The following MMP16 variants were observed in gnomAD, a reference collection of about 807,000 sequenced individuals.
The protein encoded by MMP16 is matrix metalloproteinase-16.
In MMP16, 12 loss-of-function variants were observed where a neutral mutation model predicts 67.8. The ratio of observed to expected loss-of-function variants is 0.18; its 90% CI spans 0.11 to 0.29. The LOEUF (loss-of-function observed/expected upper bound fraction) is 0.29, where lower values mean the gene tolerates loss of function less well. MMP16 is among the 10% of genes least tolerant of loss of function. The pLI is 1.00. For missense variants in MMP16, 475 were observed against 765.7 expected, an observed-to-expected ratio of 0.62 and a Z score of 4.48; for synonymous variants, 249 against 255.9, an observed-to-expected ratio of 0.97 and a Z score of 0.26.
intron 8 of MMP16, among the ~76,000 whole-genome samples, chr8:88,053,916 T>G (rs1704608616): frequency 6.6e-6 from 1 of 152,116 alleles, no homozygotes; most frequent in Admixed American, 6.5e-5. Flanking sequence ...TTCTATATAT[T>G]TTCTATATTT....
chr8:88,184,619 C>T (rs189146797), intron 3 of MMP16, among the ~76,000 whole-genome samples: 1 of 129,156 alleles, frequency 7.7e-6, no homozygotes, highest in Admixed American at 8.6e-5. Context: ...TGGTCGTGCA[C>T]ACCTATAATC....
intron 6 of MMP16, 102 bp downstream of exon 6, chr8:88,116,405 G>A (rs570090419): frequency 1.6e-5 from 16 of 988,504 alleles, no homozygotes; most frequent in Non-Finnish European, 2.4e-5. Context: ...CTAACTGTGA[G>A]AGGGCTGGGA....
At chr8:88,102,440 A>G (rs1809160614) in intron 6 of MMP16, among the ~76,000 whole-genome samples, 1 of 151,646 alleles carries the variant, frequency 6.6e-6, no homozygotes, top group Non-Finnish European at 1.5e-5. Flanking sequence ...CAGAGCTTCT[A>G]TTTCCTCCCT....
Position 88,118,853 on chromosome 8 carries a change from A to G in MMP16, c.718T>C (p.Leu240=), listed in dbSNP as rs1436516106. 1 of 1,612,586 alleles carries G rather than the reference A, an allele frequency of 6.2e-7. No homozygotes were observed. Among genetic ancestry groups the G allele is most frequent in the Non-Finnish European group, 8.5e-7 (1 of 1,179,356 alleles). ...LGNPNHDGND[L]FLVAVHELGH... ...AGTTCATGGACTGCTACAAGAAATAAGTCATTTCCTGTGTGAACAAGAAGA... is the reference window on the plus strand; with the variant it reads ...AGTTCATGGACTGCTACAAGAAATAGGTCATTTCCTGTGTGAACAAGAAGA... Residue 240 remains leucine, a synonymous_variant, in exon 5 of 10, where the codon TTA becomes CTA. Coordinates refer to ENST00000286614, the MANE Select transcript of MMP16 (RefSeq NM_005941.5).
chr8:88,227,491 A>C (rs1484658831), intron 1 of MMP16, among the ~76,000 whole-genome samples: 2 of 152,052 alleles, frequency 1.3e-5, no homozygotes, highest in Admixed American at 1.3e-4. Context: ...TGTCATCAAC[A>C]CCTAACAAAG....
rs78203359 is a variant in MMP16 at position 88,215,618 on chromosome 8, C to T, written c.133-18312G>A. 5.2e-3 allele frequency among the ~76,000 whole-genome samples: 795 copies of T among 152,174 alleles called. 7 individuals are homozygous for T. The highest frequency in any genetic ancestry group is 0.017 in the African/African-American group (706 of 41,534). ...CCACATTTCTTGGGCAGTTAATTAC[C>T]TTTCCATGACACCAGATCTCACCAG... On this transcript the variant is annotated intron_variant, in intron 1 of 9. Transcript: ENST00000286614.
intron 6 of MMP16, among the ~76,000 whole-genome samples, chr8:88,087,415 T>C (rs2664358): frequency 1 from 151,154 of 151,904 alleles, 75,215 homozygotes; most frequent in Middle Eastern, 1. Flanking sequence ...ACCTTAGTTC[T>C]CGTAATAGTG....
At chr8:88,191,479 T>C (rs1194397604) in intron 2 of MMP16, among the ~76,000 whole-genome samples, 2 of 152,212 alleles carry the variant, frequency 1.3e-5, no homozygotes, top group African/African-American at 2.4e-5. Context: ...GTAGTCATGG[T>C]AGAAGCAGCA....
intron 6 of MMP16, among the ~76,000 whole-genome samples, chr8:88,100,661 T>A (rs1259076252): frequency 6.6e-6 from 1 of 151,960 alleles, no homozygotes; most frequent in Non-Finnish European, 1.5e-5. Context: ...CATGCTGCTA[T>A]AAAGACACCT....
intron 6 of MMP16, among the ~76,000 whole-genome samples, chr8:88,104,875 A>T (rs1319089233): frequency 2.0e-5 from 3 of 151,718 alleles, no homozygotes; most frequent in Middle Eastern, 3.4e-3. Context: ...AAGAAAAAAA[A>T]AATCCAAAAA....
At chr8:88,164,449 A>C (rs1808679586) in intron 4 of MMP16, among the ~76,000 whole-genome samples, 1 of 152,110 alleles carries the variant, frequency 6.6e-6, no homozygotes, top group African/African-American at 2.4e-5. Context: ...ACAAGCAAAG[A>C]TAGAGGCTGT....
rs575525263 is a variant in MMP16, at chr8:88,059,532, G to A, written c.1223-3254C>T. On this transcript the variant is annotated intron_variant, in intron 7 of 9. Transcript: ENST00000286614. ...TGGGTAGATGGAATACTAGTTATTC[G>A]TGGCTGACATCAGAAACATCCTTGT... Among the ~76,000 whole-genome samples, 5 of 152,032 alleles carry A rather than the reference G, an allele frequency of 3.3e-5. No homozygotes were observed. The South Asian group carries it at 6.2e-4, about 19-fold the overall frequency.
chr8:88,225,296 T>C (rs1214907351), intron 1 of MMP16, among the ~76,000 whole-genome samples: 4 of 152,042 alleles, frequency 2.6e-5, no homozygotes, highest in African/African-American at 9.7e-5. Flanking sequence ...AATGTTTCTA[T>C]GACACATTAA....
chr8:88,326,916 TA>T, intron 1 of MMP16, 158 bp downstream of exon 1: 1 of 865,184 alleles, frequency 1.2e-6, no homozygotes, highest in Non-Finnish European at 1.7e-6. Context: ...ATCCGTCACC[TA>T]AAACACCCTT....
At chr8:88,130,788 G>C (rs1586166469) in intron 4 of MMP16, among the ~76,000 whole-genome samples, 1 of 144,222 alleles carries the variant, frequency 6.9e-6, no homozygotes, top group African/African-American at 2.6e-5. Flanking sequence ...GTGTGTGTGT[G>C]TGGTTTGTAA....
chr8:88,321,425 C>T (rs759030117), intron 1 of MMP16, among the ~76,000 whole-genome samples: 1 of 152,082 alleles, frequency 6.6e-6, no homozygotes, highest in African/African-American at 2.4e-5. Context: ...CTCAAAATGG[C>T]ACTAAATTAT....
chr8:88,110,703 A>G (rs1191782315), intron 6 of MMP16, among the ~76,000 whole-genome samples: 1 of 151,648 alleles, frequency 6.6e-6, no homozygotes, highest in Non-Finnish European at 1.5e-5. Flanking sequence ...GACTAAAGTG[A>G]TATGATATGA....
chr8:88,033,065 T>C lies in MMP16; in HGVS notation c.*8396A>G, dbSNP rs919390057. 5 of 151,986 alleles carry C rather than the reference T, an allele frequency of 3.3e-5. No individual in the cohort carries two copies. The highest frequency in any genetic ancestry group is 7.2e-5 in the African/African-American group (3 of 41,428). The allele number at this position is 151,986 out of a possible 1,614,324, so 9.4% of individuals were successfully genotyped here. A position where few individuals can be genotyped will look rare whatever the true frequency, so the allele number is the denominator to read the frequency against. Reference sequence around the variant, plus strand: ...TAATGTTATTTAAATAAAGTCTGTATTAATTTTAATTCTTTTACTTTCCCA... The same window carrying C: ...TAATGTTATTTAAATAAAGTCTGTACTAATTTTAATTCTTTTACTTTCCCA... On this transcript the variant is annotated 3_prime_UTR_variant, in exon 10 of 10. Transcript: ENST00000286614.
chr8:88,167,620 C>T, intron 4 of MMP16, 49 bp downstream of exon 4: 2 of 1,480,944 alleles, frequency 1.4e-6, no homozygotes, highest in Non-Finnish European at 1.8e-6. Context: ...CTTGGTTATT[C>T]TGAAATAATA....
Sources: allele counts gnomAD v4.1 joint callset (sites outside exome capture counted in the v4.1 genomes callset), GRCh38; gene constraint gnomAD v4.1.1; transcripts MANE v1.5; gene names NCBI Gene and HGNC (gene_info 2026-07-23, HGNC 2026-07-21).